Variants in TTYH2 observed in about 807,000 individuals in gnomAD.
TTYH2 encodes the protein protein tweety homolog 2.
A neutral mutation model predicts 68.3 loss-of-function variants in TTYH2; 49 were observed. The ratio of observed to expected loss-of-function variants is 0.72; its 90% CI spans 0.57 to 0.91. The LOEUF is 0.91. TTYH2 is among the 40% of genes least tolerant of loss of function. TTYH2 has a pLI of 0.00. For missense variants in TTYH2, 631 were observed against 700.4 expected (o/e 0.90, Z 1.12); for synonymous variants, 272 against 300.8 (o/e 0.90, Z 0.99).
rs1359910335 is a variant in TTYH2 at position 74,253,865 on chromosome 17, G to A, written c.1524+32G>A. 9 of 1,609,678 alleles carry A rather than the reference G, an allele frequency of 5.6e-6. 1 individual carries two copies. ...GGGGCTCTGGCCCTTCCTTGTTGGG[G>A]TAATACATAAAGACAAAACCTCCTG... On this transcript the variant is annotated intron_variant, in intron 13 of 13. Coordinates refer to ENST00000269346, the MANE Select transcript of TTYH2 (RefSeq NM_032646.6).
At chr17:74,237,225 C>A in intron 3 of TTYH2, 69 bp from the exon 4 acceptor site, 2 of 1,524,702 alleles carry the variant, frequency 1.3e-6, no homozygotes, top group Non-Finnish European at 1.8e-6. Flanking sequence ...CTGCTGCCTG[C>A]AAAGACCTCT....
At chr17:74,245,680 G>A (rs766441206) in intron 6 of TTYH2, among the ~76,000 whole-genome samples, 4 of 152,256 alleles carry the variant, frequency 2.6e-5, no homozygotes, top group African/African-American at 4.8e-5. Flanking sequence ...GGGAGCAGGC[G>A]GTGGAGCTGA....
At position 74,249,338 on chromosome 17, in the gene TTYH2, C is replaced by T. The variant is rs1555600408; in HGVS notation, c.875-6C>T. ...AGCTGCCTAACGTTATGCCGTTGCC[C>T]TGCAGAGGTGACTCGCTACTACCTG... On this transcript the variant is annotated splice_polypyrimidine_tract_variant and splice_region_variant and intron_variant, in intron 7 of 13. Transcript: ENST00000269346. 1.9e-6 allele frequency: 3 copies of T among 1,614,002 alleles called. No homozygotes were observed. In the African/African-American group the frequency reaches 4.0e-5, roughly 22 times the overall value.
At position 74,213,710 on chromosome 17, in the gene TTYH2, C is replaced by A; in HGVS notation, c.123C>A (p.Tyr41Ter). The change falls in exon 1 of 14, where the codon TAC becomes TAA. Residue 41 changes from tyrosine (Y) to a stop codon, truncating the protein, a stop_gained. Coordinates refer to ENST00000269346, the MANE Select transcript of TTYH2 (RefSeq NM_032646.6). LOFTEE classifies it high-confidence loss of function. The surrounding 1 kb of genome is among the most constrained non-coding windows in gnomAD (Gnocchi z 6.1). ...CCTTCAGCCCCGGCGACGAGAGTTA[C>A]CAGGAGGTAAGTTTACGCCGCCCCA... The part of the protein sequence containing the change: ...NSTFSPGDES[Y>*]QESLLFLGLV... 2 of 1,611,374 alleles carry A rather than the reference C, an allele frequency of 1.2e-6. No homozygotes were observed. Among genetic ancestry groups the A allele is most frequent in the Non-Finnish European group, 1.7e-6 (2 of 1,178,862 alleles).
At chr17:74,233,964 C>A (rs1245333335) in intron 3 of TTYH2, among the ~76,000 whole-genome samples, 1 of 152,176 alleles carries the variant, frequency 6.6e-6, no homozygotes, top group African/African-American at 2.4e-5. Context: ...TGTTTCAGAG[C>A]AGAAACCAGA....
At chr17:74,258,871 T>G (rs1351154984) in intron 13 of TTYH2, among the ~76,000 whole-genome samples, 1 of 152,116 alleles carries the variant, frequency 6.6e-6, no homozygotes, top group African/African-American at 2.4e-5. Flanking sequence ...GAAAACCTCA[T>G]GCTCCCTCCT....
chr17:74,238,190 G>A (rs560777918), intron 4 of TTYH2, among the ~76,000 whole-genome samples: 31 of 152,254 alleles, frequency 2.0e-4, no homozygotes, highest in African/African-American at 6.5e-4. Context: ...TAGGTTCCTC[G>A]CCTGCCAGAG....
At chr17:74,247,928 C>T (rs1188401220) in intron 6 of TTYH2, 1 of 152,194 alleles carries the variant, frequency 6.6e-6, no homozygotes, top group Non-Finnish European at 1.5e-5. Context: ...GTGTGTTATT[C>T]CGCACCCTCG....
intron 3 of TTYH2, among the ~76,000 whole-genome samples, chr17:74,236,661 G>A (rs539864210): frequency 6.6e-6 from 1 of 152,312 alleles, no homozygotes; most frequent in African/African-American, 2.4e-5. Flanking sequence ...GGCTAGACCT[G>A]GCCTCAGCCT....
intron 3 of TTYH2, among the ~76,000 whole-genome samples, chr17:74,234,624 A>G (rs2050423860): frequency 6.6e-6 from 1 of 152,250 alleles, no homozygotes; most frequent in Non-Finnish European, 1.5e-5. Flanking sequence ...AAGAGAAGGC[A>G]TGACAAATAC....
intron 13 of TTYH2, chr17:74,257,099 G>A (rs2050700803): frequency 6.6e-6 from 1 of 152,198 alleles, no homozygotes; most frequent in Admixed American, 6.5e-5. Context: ...GGGGAAATCT[G>A]CTGTGAAAAA....
chr17:74,233,058 A>C (rs1418959398), intron 3 of TTYH2, among the ~76,000 whole-genome samples: 1 of 152,118 alleles, frequency 6.6e-6, no homozygotes, highest in Admixed American at 6.5e-5. Flanking sequence ...ATCCCTGGAG[A>C]TCAGCCCCTC....
intron 13 of TTYH2, chr17:74,256,830 G>A (rs1196166576): frequency 6.6e-6 from 1 of 152,182 alleles, no homozygotes; most frequent in African/African-American, 2.4e-5. Context: ...TGCATTTTCA[G>A]TAGAGACGGG....
At chr17:74,247,779 A>T (rs1444194770) in intron 6 of TTYH2, among the ~76,000 whole-genome samples, 1 of 152,222 alleles carries the variant, frequency 6.6e-6, no homozygotes, top group Admixed American at 6.5e-5. Flanking sequence ...GGCCAGGTTG[A>T]TGTATTATGA....
At chr17:74,236,657 A>G (rs1406293001) in intron 3 of TTYH2, among the ~76,000 whole-genome samples, 1 of 152,156 alleles carries the variant, frequency 6.6e-6, no homozygotes, top group African/African-American at 2.4e-5. Flanking sequence ...CAGAGGCTAG[A>G]CCTGGCCTCA....
chr17:74,225,168 A>T (rs8079941), intron 2 of TTYH2, among the ~76,000 whole-genome samples: 7,704 of 152,104 alleles, frequency 0.051, 615 homozygotes, highest in African/African-American at 0.17. Flanking sequence ...GGAGGCGGAG[A>T]CACCTCCAGG....
At chr17:74,223,297 G>A (rs1296967050) in intron 2 of TTYH2, among the ~76,000 whole-genome samples, 1 of 143,596 alleles carries the variant, frequency 7.0e-6, no homozygotes, top group Non-Finnish European at 1.5e-5. Flanking sequence ...GGGGGCGGGG[G>A]GTGGGCGGGG....
intron 6 of TTYH2, among the ~76,000 whole-genome samples, chr17:74,245,771 G>T (rs536986719): frequency 3.9e-5 from 6 of 152,302 alleles, no homozygotes; most frequent in African/African-American, 1.2e-4. Flanking sequence ...CGGGGAGGGC[G>T]GCCGGCTGTC....
chr17:74,259,793 C>T (rs2050729500), intron 13 of TTYH2, among the ~76,000 whole-genome samples: 1 of 152,196 alleles, frequency 6.6e-6, no homozygotes, highest in Admixed American at 6.5e-5. Context: ...TTTGAACCTG[C>T]TTCTCTGAGT....
Sources: allele counts gnomAD v4.1 joint callset (sites outside exome capture counted in the v4.1 genomes callset), GRCh38; gene constraint gnomAD v4.1.1; non-coding constraint Gnocchi (gnomAD v3.1); transcripts MANE v1.5; gene names NCBI Gene and HGNC (gene_info 2026-07-23, HGNC 2026-07-21).